Variants in KIAA1755 observed in about 807,000 individuals in gnomAD.
KIAA1755 encodes uncharacterized protein KIAA1755.
In KIAA1755, 68 loss-of-function variants were observed where a neutral mutation model predicts 91.7. The observed-to-expected ratio is 0.74, with a 90% CI of 0.61 to 0.91. The LOEUF is 0.91. KIAA1755 is among the 40% of genes least tolerant of loss of function. The pLI is 0.00. For synonymous variants in KIAA1755, 610 were observed against 604.6 expected, an observed-to-expected ratio of 1.01 and a Z score of -0.13; for missense variants, 1,535 against 1,494.4, an observed-to-expected ratio of 1.03 and a Z score of -0.45.
chr20:38,250,502 G>C (rs991293184), intron 1 of KIAA1755, among the ~76,000 whole-genome samples: 1 of 141,632 alleles, frequency 7.1e-6, no homozygotes, highest in Non-Finnish European at 1.5e-5. Context: ...GTGTGTGTGT[G>C]TGTGTGTGTC....
chr20:38,229,866 CA>C (rs2075829464), intron 5 of KIAA1755, among the ~76,000 whole-genome samples: 1 of 152,060 alleles, frequency 6.6e-6, no homozygotes, highest in South Asian at 2.1e-4. Context: ...CACTTTCCAC[CA>C]CAGAAAAAGG....
rs935580016 is a variant in KIAA1755, at chr20:38,212,506, G to T, written c.*536C>A. ...CAACATACTCTTTATTCCCTTTGCA[G>T]ATTCGCCTCCTACTCCCCCAGCAGA... On this transcript the variant is annotated 3_prime_UTR_variant, in exon 14 of 14. Transcript: ENST00000279024. 6.5e-6 allele frequency: 1 copy of T among 152,888 alleles called. No homozygotes were observed. The highest frequency in any genetic ancestry group is 2.4e-5 in the African/African-American group (1 of 41,448). The allele number at this position is 152,888 out of a possible 1,614,324, so 9.5% of individuals were successfully genotyped here.
chr20:38,220,327 A>C lies in KIAA1755; in HGVS notation c.2418-559T>G, dbSNP rs544231254. ...TTTTTTTTTTTTTTTTTTGAGACGG[A>C]GTCTCACTCTGTCACCCAGGCTGGT... On this transcript the variant is annotated intron_variant, in intron 10 of 13. Coordinates refer to ENST00000279024, the MANE Select transcript of KIAA1755 (RefSeq NM_001029864.2). 4.3e-5 allele frequency among the ~76,000 whole-genome samples: 5 copies of C among 115,836 alleles called. No homozygotes were observed. The South Asian group carries it at 1.4e-3, about 33-fold the overall frequency. The allele number at this position is 115,836 out of a possible 152,430, so 76.0% of individuals were successfully genotyped here.
rs1002959872 is a variant in KIAA1755, at chr20:38,227,232, G to A, written c.1974C>T (p.Val658=). The A allele has an allele frequency of 2.5e-6, 4 of 1,613,510 alleles. No individual in the cohort carries two copies. The Admixed American group carries it at 6.7e-5, about 27-fold the overall frequency. The change falls in exon 7 of 14, where the codon GTC becomes GTT. Residue 658 remains valine, a synonymous_variant. Transcript: ENST00000279024. ...AGAGAATAGCCCGGATAGAGGCTGG[G>A]ACCTGAGCCTGTCAAAGACAACCAC... ...VSALQATQAQ[V]PASIRAILFL...
In KIAA1755 at chr20:38,228,130, C is replaced by T. The variant is rs2075793108; in HGVS notation, c.1965+17G>A. 3 of 1,581,674 alleles carry T rather than the reference C, an allele frequency of 1.9e-6. No individual in the cohort carries two copies. The highest frequency in any genetic ancestry group is 1.8e-5 in the Admixed American group (1 of 56,688). On this transcript the variant is annotated intron_variant, in intron 6 of 13. Coordinates refer to ENST00000279024, the MANE Select transcript of KIAA1755 (RefSeq NM_001029864.2). ...TCCCAGGACTTACTAGGCTAAGGCT[C>T]TCCACCTCCCACTCACCTGGGTGGC...
At chr20:38,217,997 G>C in intron 12 of KIAA1755, 3 of 551,326 alleles carry the variant, frequency 5.4e-6, no homozygotes, top group Non-Finnish European at 9.7e-6. Context: ...CTAGGATGGG[G>C]CCCTGGAAAC....
Position 38,219,616 on chromosome 20 carries a change from G to C in KIAA1755, c.2556+14C>G. The C allele has an allele frequency of 6.2e-7, 1 of 1,613,768 alleles. No individual in the cohort carries two copies. Among genetic ancestry groups the C allele is most frequent in the African/African-American group, 1.3e-5 (1 of 75,056 alleles). The stretch of plus-strand genomic sequence containing the variant: ...GGCAGAACCCCCACACCCCAAGCCA[G>C]ACACCCCTTTCACCTGGTGAATGGC... On this transcript the variant is annotated intron_variant, in intron 11 of 13. Coordinates refer to ENST00000279024, the MANE Select transcript of KIAA1755 (RefSeq NM_001029864.2).
chr20:38,248,184 G>A (rs1033931244), intron 1 of KIAA1755, among the ~76,000 whole-genome samples: 25 of 152,160 alleles, frequency 1.6e-4, no homozygotes, highest in African/African-American at 6.0e-4. Flanking sequence ...AGCCAAGATG[G>A]CGCCACTGCA....
At chr20:38,240,051 G>A (rs2076027574) in intron 3 of KIAA1755, among the ~76,000 whole-genome samples, 1 of 152,018 alleles carries the variant, frequency 6.6e-6, no homozygotes, top group East Asian at 1.9e-4. Context: ...CATGCACCAC[G>A]AAGCCCAGCT....
intron 4 of KIAA1755, among the ~76,000 whole-genome samples, chr20:38,235,462 C>T (rs1451088239): frequency 6.6e-6 from 1 of 152,186 alleles, no homozygotes; most frequent in Non-Finnish European, 1.5e-5. Flanking sequence ...CCACTCTAAT[C>T]ATAGGAATCC....
At chr20:38,222,885 G>A in intron 9 of KIAA1755, 1 of 508,030 alleles carries the variant, frequency 2.0e-6, no homozygotes, top group Non-Finnish European at 3.6e-6. Context: ...TCTCCACATG[G>A]CAGTTGAACG....
intron 1 of KIAA1755, among the ~76,000 whole-genome samples, chr20:38,259,524 TGTGTGTGAGAGA>T (rs138974943): frequency 0.14 from 20,599 of 147,006 alleles, 1,685 homozygotes; most frequent in South Asian, 0.24. Context: ...TGTGTGTGTG[TGTGTGTGAGAGA>T]GAGAGAGAGA....
chr20:38,217,681 C>T (rs117548345), intron 12 of KIAA1755: 3 of 591,912 alleles, frequency 5.1e-6, no homozygotes, highest in Admixed American at 3.0e-5. Flanking sequence ...GCAGTTATCA[C>T]GCTTCTGGAA....
intron 2 of KIAA1755, among the ~76,000 whole-genome samples, chr20:38,244,045 C>G (rs1162418326): frequency 6.6e-6 from 1 of 152,182 alleles, no homozygotes; most frequent in African/African-American, 2.4e-5. Context: ...GTTAATCACA[C>G]ATGACTTCCC....
At chr20:38,250,270 G>A (rs1479931158) in intron 1 of KIAA1755, among the ~76,000 whole-genome samples, 1 of 152,130 alleles carries the variant, frequency 6.6e-6, no homozygotes, top group East Asian at 1.9e-4. Context: ...CTGGTTGTGT[G>A]TACCTGGCAA....
At chr20:38,217,016 G>A (rs886703973) in intron 13 of KIAA1755, 1 of 667,076 alleles carries the variant, frequency 1.5e-6, no homozygotes, top group Non-Finnish European at 2.7e-6. Context: ...CTTGGGGAGT[G>A]AATCACGATG....
chr20:38,234,941 C>T (rs2075932523), intron 4 of KIAA1755, among the ~76,000 whole-genome samples: 1 of 152,130 alleles, frequency 6.6e-6, no homozygotes, highest in Admixed American at 6.5e-5. Flanking sequence ...GTGCTGTTCA[C>T]AGATATTGTG....
At chr20:38,221,409 G>T (rs1254269633) in intron 10 of KIAA1755, among the ~76,000 whole-genome samples, 1 of 152,174 alleles carries the variant, frequency 6.6e-6, no homozygotes, top group Non-Finnish European at 1.5e-5. Context: ...GAGGGGCAGG[G>T]AGATGACCCC....
At chr20:38,236,633 C>G (rs1446219458) in intron 4 of KIAA1755, among the ~76,000 whole-genome samples, 3 of 152,124 alleles carry the variant, frequency 2.0e-5, no homozygotes, top group South Asian at 2.1e-4. Flanking sequence ...CCATCCATGC[C>G]AAATGCTGCG....
Sources: allele counts gnomAD v4.1 joint callset (sites outside exome capture counted in the v4.1 genomes callset), GRCh38; gene constraint gnomAD v4.1.1; transcripts MANE v1.5; gene names NCBI Gene and HGNC (gene_info 2026-07-23, HGNC 2026-07-21).